The following BTBD7 variants were observed in gnomAD, a reference collection of about 807,000 sequenced individuals.
BTBD7 encodes BTB/POZ domain-containing protein 7.
In BTBD7, 38 loss-of-function variants were observed where a neutral mutation model predicts 99.9. That is an observed-to-expected ratio of 0.38 (90% CI 0.29 to 0.50). The LOEUF (loss-of-function observed/expected upper bound fraction) is 0.50, where lower values mean the gene tolerates loss of function less well. Ranked by LOEUF, BTBD7 falls within the 20% of genes least tolerant of loss-of-function variation. The probability of loss-of-function intolerance (pLI) is 0.93; values close to 1 mark genes in which losing one functional copy is unlikely to be tolerated. For synonymous variants in BTBD7, 520 were observed against 511.4 expected (o/e 1.02, Z -0.23); for missense variants, 1,170 against 1,394.6 (o/e 0.84, Z 2.57).
chr14:93,262,403 AT>A (rs954174419), intron 4 of BTBD7, among the ~76,000 whole-genome samples: 3 of 151,266 alleles, frequency 2.0e-5, no homozygotes. Flanking sequence ...AAAATGGCTA[AT>A]TTTTTTTTAA....
At chr14:93,280,293 T>C (rs1434547052) in intron 3 of BTBD7, among the ~76,000 whole-genome samples, 1 of 152,158 alleles carries the variant, frequency 6.6e-6, no homozygotes, top group African/African-American at 2.4e-5. Flanking sequence ...CCAGAGAAAA[T>C]TTACTGAATC....
chr14:93,307,763 A>G (rs553136376), intron 1 of BTBD7, among the ~76,000 whole-genome samples: 3 of 152,304 alleles, frequency 2.0e-5, no homozygotes, highest in East Asian at 1.9e-4. Flanking sequence ...TATTTTCTTT[A>G]CAGTAGTACT....
rs530806805 is a variant in BTBD7 at position 93,237,851 on chromosome 14, G to C, written c.*4422C>G. Reference sequence around the variant, plus strand: ...AACACTTGCATAGGACATGAAATCAGTTTAAGAAAAATTTCTGAGCCTTTA... The same window carrying C: ...AACACTTGCATAGGACATGAAATCACTTTAAGAAAAATTTCTGAGCCTTTA... On this transcript the variant is annotated 3_prime_UTR_variant, in exon 11 of 11. Transcript: ENST00000334746. The C allele has an allele frequency of 6.5e-6, 1 of 152,764 alleles. No individual in the cohort carries two copies. Among genetic ancestry groups the C allele is most frequent in the African/African-American group, 2.4e-5 (1 of 41,572 alleles). The allele number at this position is 152,764 out of a possible 1,614,324, so 9.5% of individuals were successfully genotyped here.
chr14:93,310,112 T>G (rs1225765564), intron 1 of BTBD7, among the ~76,000 whole-genome samples: 1 of 152,188 alleles, frequency 6.6e-6, no homozygotes, highest in Non-Finnish European at 1.5e-5. Context: ...ATTACAGGTT[T>G]AAGTATCAAC....
intron 3 of BTBD7, among the ~76,000 whole-genome samples, chr14:93,292,800 C>T (rs2052874535): frequency 6.6e-6 from 1 of 152,154 alleles, no homozygotes; most frequent in African/African-American, 2.4e-5. Flanking sequence ...AGAACTACAA[C>T]CACACACCAC....
chr14:93,251,910 T>C (rs2052371575), intron 7 of BTBD7, among the ~76,000 whole-genome samples: 1 of 152,220 alleles, frequency 6.6e-6, no homozygotes, highest in African/African-American at 2.4e-5. Flanking sequence ...GAAGGAAGGA[T>C]ATAAAATTAA....
chr14:93,247,243 G>T (rs1385990068), intron 9 of BTBD7, among the ~76,000 whole-genome samples: 1 of 152,182 alleles, frequency 6.6e-6, no homozygotes, highest in African/African-American at 2.4e-5. Context: ...GCCCAGGCTA[G>T]TCTTAAACTC....
chr14:93,270,523 T>G (rs1341640013), intron 3 of BTBD7, among the ~76,000 whole-genome samples: 1 of 151,870 alleles, frequency 6.6e-6, no homozygotes, highest in East Asian at 2.0e-4. Context: ...CGAAACCCAG[T>G]CTCTACTAAA....
intron 9 of BTBD7, among the ~76,000 whole-genome samples, 180 bp from the exon 10 acceptor site, chr14:93,246,466 A>G (rs1208011050): frequency 6.6e-6 from 1 of 152,240 alleles, no homozygotes; most frequent in Admixed American, 6.5e-5. Flanking sequence ...TTATAGTACA[A>G]AGGCACAGAG....
intron 1 of BTBD7, among the ~76,000 whole-genome samples, chr14:93,315,270 T>C (rs1269229612): frequency 6.6e-6 from 1 of 152,132 alleles, no homozygotes; most frequent in African/African-American, 2.4e-5. Flanking sequence ...ACAGTTATTA[T>C]TGTTTCAAGT....
chr14:93,318,531 T>C (rs1310169360), intron 1 of BTBD7, among the ~76,000 whole-genome samples: 1 of 152,210 alleles, frequency 6.6e-6, no homozygotes, highest in Non-Finnish European at 1.5e-5. Flanking sequence ...TTAAATCCAT[T>C]TCCTAAAGAA....
chr14:93,301,787 TATAAC>T (rs761427158), intron 1 of BTBD7, among the ~76,000 whole-genome samples: 25 of 152,200 alleles, frequency 1.6e-4, no homozygotes, highest in Non-Finnish European at 3.2e-4. Flanking sequence ...ACAACATTGT[TATAAC>T]AGACCATAGG....
chr14:93,270,344 C>T (rs868542565), intron 3 of BTBD7, among the ~76,000 whole-genome samples: 5 of 152,228 alleles, frequency 3.3e-5, no homozygotes, highest in African/African-American at 9.6e-5. Flanking sequence ...GATCCACCCG[C>T]CTCAGCCTCC....
At chr14:93,267,039 T>C (rs2052550556) in intron 3 of BTBD7, among the ~76,000 whole-genome samples, 1 of 152,158 alleles carries the variant, frequency 6.6e-6, no homozygotes, top group South Asian at 2.1e-4. Flanking sequence ...GGCATTGGAA[T>C]AGAATTGAGT....
chr14:93,253,791 C>A lies in BTBD7; in HGVS notation c.1609-1G>T. 1.3e-6 allele frequency: 2 copies of A among 1,556,896 alleles called. No individual in the cohort carries two copies. Among genetic ancestry groups the A allele is most frequent in the Non-Finnish European group, 1.7e-6 (2 of 1,149,980 alleles). ...GAGTACTAATCAAGCCTCTTTTCAT[C>A]TAAAAAAAAATTTTTTTTTTAGATA... On this transcript the variant is annotated splice_acceptor_variant, in intron 6 of 10. Coordinates refer to ENST00000334746, the MANE Select transcript of BTBD7 (RefSeq NM_001002860.4). LOFTEE classifies it high-confidence loss of function.
At chr14:93,274,297 C>T (rs1007620100) in intron 3 of BTBD7, among the ~76,000 whole-genome samples, 3 of 152,208 alleles carry the variant, frequency 2.0e-5, no homozygotes, top group Non-Finnish European at 4.4e-5. Flanking sequence ...CACTGCACAA[C>T]CTCTCTGCCT....
chr14:93,310,315 A>G (rs2053122482), intron 1 of BTBD7, among the ~76,000 whole-genome samples: 1 of 152,144 alleles, frequency 6.6e-6, no homozygotes, highest in Non-Finnish European at 1.5e-5. Flanking sequence ...CATTTCTCAA[A>G]TTGTTTTTTC....
intron 1 of BTBD7, among the ~76,000 whole-genome samples, chr14:93,306,588 G>A (rs888538111): frequency 2.0e-5 from 3 of 152,006 alleles, no homozygotes; most frequent in African/African-American, 7.2e-5. Context: ...ATTCTCCCAA[G>A]ATAATTCATT....
chr14:93,310,147 A>G (rs1354413292), intron 1 of BTBD7, among the ~76,000 whole-genome samples: 1 of 152,132 alleles, frequency 6.6e-6, no homozygotes, highest in Non-Finnish European at 1.5e-5. Flanking sequence ...CTATCTACCC[A>G]ATCCCAGTAG....
Sources: allele counts gnomAD v4.1 joint callset (sites outside exome capture counted in the v4.1 genomes callset), GRCh38; gene constraint gnomAD v4.1.1; transcripts MANE v1.5; gene names NCBI Gene and HGNC (gene_info 2026-07-23, HGNC 2026-07-21).